TENM3: variants seen among roughly 807,000 people sequenced by gnomAD.
TENM3 encodes teneurin transmembrane protein 3.
Under a neutral mutation model 255.1 loss-of-function variants are expected in TENM3, and 63 were observed. The ratio of observed to expected loss-of-function variants is 0.25; its 90% CI spans 0.20 to 0.30. The LOEUF (loss-of-function observed/expected upper bound fraction) is 0.30. TENM3 is among the 10% of genes least tolerant of loss of function. The pLI is 1.00. For missense variants in TENM3, 2,929 were observed against 3,461.1 expected, an observed-to-expected ratio of 0.85 and a Z score of 3.86; for synonymous variants, 1,306 against 1,322.3, an observed-to-expected ratio of 0.99 and a Z score of 0.27.
At chr4:182,226,310 C>A (rs928404861) in intron 1 of TENM3, among the ~76,000 whole-genome samples, 6 of 151,948 alleles carry the variant, frequency 3.9e-5, no homozygotes, top group African/African-American at 1.2e-4. Context: ...CAGAGCTAGC[C>A]CTTGAAGCAG....
intron 1 of TENM3, among the ~76,000 whole-genome samples, chr4:182,270,762 T>C (rs1189144946): frequency 6.6e-6 from 1 of 152,232 alleles, no homozygotes; most frequent in Non-Finnish European, 1.5e-5. Context: ...ATAGGTTAAA[T>C]TCATCAATGC....
chr4:182,392,973 G>C (rs1768541789), intron 3 of TENM3, among the ~76,000 whole-genome samples: 1 of 152,182 alleles, frequency 6.6e-6, no homozygotes, highest in Admixed American at 6.5e-5. Context: ...GTGAGTATCT[G>C]TGTAGGCTGA....
chr4:181,501,866 A>T, the TENM3 span, among the ~76,000 whole-genome samples: 1 of 152,212 alleles, frequency 6.6e-6, no homozygotes, highest in Non-Finnish European at 1.5e-5. Flanking sequence ...TAGATGCCAT[A>T]ACCCATGCAG....
the TENM3 span, among the ~76,000 whole-genome samples, chr4:181,696,836 C>A: frequency 2.6e-5 from 4 of 152,148 alleles, no homozygotes; most frequent in Admixed American, 6.5e-5. Flanking sequence ...GCACTCCGGG[C>A]TCTCTGCATT....
the TENM3 span, chr4:181,905,960 A>G: frequency 1.8e-6 from 1 of 561,510 alleles, no homozygotes; most frequent in Non-Finnish European, 3.4e-6. Context: ...CAGCTTCTTC[A>G]GATCTGGGTG....
intron 3 of TENM3, among the ~76,000 whole-genome samples, chr4:182,526,356 G>C (rs1045010454): frequency 2.0e-5 from 3 of 152,014 alleles, no homozygotes; most frequent in African/African-American, 7.2e-5. Context: ...CCCTCTCACT[G>C]TCCTGTTGTG....
the TENM3 span, among the ~76,000 whole-genome samples, chr4:181,910,187 G>A: frequency 6.6e-6 from 1 of 152,056 alleles, no homozygotes; most frequent in Non-Finnish European, 1.5e-5. Context: ...ATATATAGTA[G>A]CCTATGTGCA....
At chr4:182,346,378 G>A (rs928287690) in intron 2 of TENM3, among the ~76,000 whole-genome samples, 3 of 151,966 alleles carry the variant, frequency 2.0e-5, no homozygotes, top group Non-Finnish European at 4.4e-5. Context: ...TCTCATGGTT[G>A]GGGCCACTTT....
chr4:182,162,162 G>T (rs1751394672), intron 1 of TENM3, among the ~76,000 whole-genome samples: 1 of 151,740 alleles, frequency 6.6e-6, no homozygotes, highest in South Asian at 2.1e-4. Flanking sequence ...GGGATTACAG[G>T]CAAGCTACCA....
At chr4:181,893,558 T>A in the TENM3 span, among the ~76,000 whole-genome samples, 30 of 134,654 alleles carry the variant, frequency 2.2e-4, no homozygotes, top group East Asian at 5.3e-3. Flanking sequence ...AAATTAGGCA[T>A]CAATAAATGC....
At chr4:182,703,249 C>CT (rs981809728) in intron 12 of TENM3, among the ~76,000 whole-genome samples, 1 of 152,204 alleles carries the variant, frequency 6.6e-6, no homozygotes, top group Non-Finnish European at 1.5e-5. Flanking sequence ...AAGTACCACA[C>CT]TTTTTTATCC....
At chr4:182,456,080 G>A (rs1034979739) in intron 3 of TENM3, among the ~76,000 whole-genome samples, 2 of 152,264 alleles carry the variant, frequency 1.3e-5, no homozygotes, top group East Asian at 1.9e-4. Context: ...CATAAGTCTC[G>A]AATGCTTATT....
At chr4:181,609,230 C>T in the TENM3 span, among the ~76,000 whole-genome samples, 2 of 152,098 alleles carry the variant, frequency 1.3e-5, no homozygotes, top group Non-Finnish European at 2.9e-5. Flanking sequence ...TTTACACTGT[C>T]AATGGTTTTA....
chr4:182,536,630 A>T (rs1740349037), intron 3 of TENM3, among the ~76,000 whole-genome samples: 1 of 152,232 alleles, frequency 6.6e-6, no homozygotes, highest in Non-Finnish European at 1.5e-5. Flanking sequence ...GCTCATCTTC[A>T]GGCCAGCCTC....
chr4:182,099,913 CAA>C, the TENM3 span, among the ~76,000 whole-genome samples: 1 of 152,046 alleles, frequency 6.6e-6, no homozygotes, highest in Non-Finnish European at 1.5e-5. Flanking sequence ...GAAGAAAAGA[CAA>C]GAGTAGCTGA....
intron 27 of TENM3, among the ~76,000 whole-genome samples, chr4:182,798,194 A>G (rs982360932): frequency 1.3e-5 from 2 of 152,014 alleles, no homozygotes; most frequent in African/African-American, 4.8e-5. Context: ...TTTTGTAGAG[A>G]TAAGAGTCTC....
chr4:182,206,524 C>T (rs561321540), intron 1 of TENM3, among the ~76,000 whole-genome samples: 2 of 152,254 alleles, frequency 1.3e-5, no homozygotes, highest in South Asian at 2.1e-4. Context: ...TTACCTAACC[C>T]CTATGATTTG....
At chr4:182,072,600 A>G in the TENM3 span, among the ~76,000 whole-genome samples, 2 of 152,218 alleles carry the variant, frequency 1.3e-5, no homozygotes, top group Non-Finnish European at 2.9e-5. Flanking sequence ...GCATAATCAG[A>G]TATCTTGCAT....
At chr4:181,889,911 T>C in the TENM3 span, among the ~76,000 whole-genome samples, 1 of 152,222 alleles carries the variant, frequency 6.6e-6, no homozygotes, top group African/African-American at 2.4e-5. Flanking sequence ...CACTAGCTCT[T>C]AATGAATGAT....
Sources: allele counts gnomAD v4.1 joint callset (sites outside exome capture counted in the v4.1 genomes callset), GRCh38; gene constraint gnomAD v4.1.1; transcripts MANE v1.5; gene names NCBI Gene and HGNC (gene_info 2026-07-23, HGNC 2026-07-21).